The following PHTF2 variants were observed in gnomAD, a reference collection of about 807,000 sequenced individuals.
PHTF2 encodes the protein putative homeodomain transcription factor 2, also known as protein PHTF2.
A neutral mutation model predicts 101.2 loss-of-function variants in PHTF2; 60 were observed. The ratio of observed to expected loss-of-function variants is 0.59; its 90% CI spans 0.48 to 0.73. The LOEUF (loss-of-function observed/expected upper bound fraction) is 0.73. Among genes scored for constraint, PHTF2 ranks in the 30% least tolerant of loss-of-function variants. The pLI is 0.00. For missense variants in PHTF2, 747 were observed against 908.7 expected (o/e 0.82, Z 2.29); for synonymous variants, 311 against 307.3 (o/e 1.01, Z -0.13).
intron 1 of PHTF2, among the ~76,000 whole-genome samples, chr7:77,811,479 G>T (rs1004982449): frequency 6.6e-6 from 1 of 152,122 alleles, no homozygotes; most frequent in Admixed American, 6.5e-5. Flanking sequence ...TGATTCTTGT[G>T]TGAATCCATT....
intron 7 of PHTF2, among the ~76,000 whole-genome samples, chr7:77,905,248 T>C (rs1801746157): frequency 6.6e-6 from 1 of 152,142 alleles, no homozygotes; most frequent in South Asian, 2.1e-4. Context: ...TTTTTAGACA[T>C]AGGGTTTTGC....
intron 5 of PHTF2, among the ~76,000 whole-genome samples, chr7:77,894,610 G>A (rs1800728350): frequency 6.6e-6 from 1 of 152,164 alleles, no homozygotes; most frequent in South Asian, 2.1e-4. Flanking sequence ...TTAAATATAG[G>A]ATTAAGTCCT....
Position 77,840,210 on chromosome 7 carries a change from C to T in PHTF2, c.-35-11C>T, listed in dbSNP as rs1562862287. The T allele has an allele frequency of 5.6e-6, 8 of 1,429,112 alleles. No individual in the cohort carries two copies. Among genetic ancestry groups the T allele is most frequent in the Non-Finnish European group, 7.9e-6 (8 of 1,012,804 alleles). 88.5% of individuals were successfully genotyped at this position (1,429,112 alleles called of 1,614,324 possible). The stretch of plus-strand genomic sequence containing the variant: ...AATAAAGTCATTTGTATGTTTTTCT[C>T]TCTTGCACAGCCTAAAATGACCAAT... On this transcript the variant is annotated splice_polypyrimidine_tract_variant and intron_variant, in intron 1 of 19. Transcript: ENST00000416283.
intron 6 of PHTF2, 34 bp from the exon 6 acceptor site, chr7:77,901,728 A>G: frequency 7.9e-7 from 1 of 1,272,920 alleles, no homozygotes; most frequent in Non-Finnish European, 1.0e-6. Flanking sequence ...ATAATATATA[A>G]ATATACTCTG....
chr7:77,954,612 GTATATATATATATATATATA>G (rs66540211), intron 19 of PHTF2, among the ~76,000 whole-genome samples: 5 of 90,194 alleles, frequency 5.5e-5, no homozygotes, highest in South Asian at 4.3e-4. Context: ...CAAGTACTGT[GTATATATATATATATATATA>G]TATATATATA....
intron 1 of PHTF2, among the ~76,000 whole-genome samples, chr7:77,804,815 A>G (rs1292445543): frequency 6.6e-6 from 1 of 152,234 alleles, no homozygotes; most frequent in African/African-American, 2.4e-5. Flanking sequence ...ACTTAGTTCA[A>G]ACCCTCATTA....
At chr7:77,807,025 TAC>T (rs1192925078) in intron 1 of PHTF2, among the ~76,000 whole-genome samples, 4 of 152,172 alleles carry the variant, frequency 2.6e-5, no homozygotes, top group Non-Finnish European at 5.9e-5. Flanking sequence ...TAAACACACA[TAC>T]ACACACATAC....
chr7:77,879,172 A>C (rs565673223), intron 3 of PHTF2, among the ~76,000 whole-genome samples: 19 of 152,182 alleles, frequency 1.2e-4, no homozygotes, highest in Admixed American at 3.3e-4. Context: ...ATAGTACTTA[A>C]CTTGATTCGG....
chr7:77,880,768 A>G (rs1235493878), intron 3 of PHTF2, among the ~76,000 whole-genome samples: 3 of 152,172 alleles, frequency 2.0e-5, no homozygotes, highest in Non-Finnish European at 4.4e-5. Flanking sequence ...CAGGAGAAGC[A>G]GAGGGAAAAG....
intron 10 of PHTF2, 100 bp downstream of exon 9, chr7:77,920,565 C>A: frequency 1.3e-6 from 1 of 795,618 alleles, no homozygotes; most frequent in Non-Finnish European, 2.1e-6. Context: ...GTATTTTCTC[C>A]AGAATTAATT....
intron 9 of PHTF2, among the ~76,000 whole-genome samples, chr7:77,917,431 G>A (rs1401051501): frequency 6.6e-6 from 1 of 152,184 alleles, no homozygotes; most frequent in Non-Finnish European, 1.5e-5. Context: ...GCTAGAAAAT[G>A]TGTATTTGGT....
At chr7:77,853,824 G>A (rs1183062790) in intron 2 of PHTF2, among the ~76,000 whole-genome samples, 1 of 151,674 alleles carries the variant, frequency 6.6e-6, no homozygotes, top group African/African-American at 2.4e-5. Flanking sequence ...TTTCTAATAG[G>A]ATTCCAAATT....
exon 19 of PHTF2, chr7:77,953,810 T>C: frequency 6.2e-7 from 1 of 1,613,168 alleles, no homozygotes; most frequent in Non-Finnish European, 8.5e-7. Context: ...TTACAATGAA[T>C]CCGCTGCTTT....
chr7:77,901,805 T>C (rs375583127), exon 7 of PHTF2: 5 of 1,566,884 alleles, frequency 3.2e-6, no homozygotes, highest in African/African-American at 1.3e-5. Context: ...CTTGGACTTC[T>C]CTGACCAGAA....
At chr7:77,835,057 G>T (rs1246470628) in intron 1 of PHTF2, among the ~76,000 whole-genome samples, 1 of 152,084 alleles carries the variant, frequency 6.6e-6, no homozygotes, top group African/African-American at 2.4e-5. Context: ...CGGATCACCT[G>T]AGGTCAGGAG....
intron 3 of PHTF2, among the ~76,000 whole-genome samples, chr7:77,859,254 C>T (rs1331710282): frequency 6.6e-6 from 1 of 152,182 alleles, no homozygotes; most frequent in Non-Finnish European, 1.5e-5. Context: ...AGGAACTATT[C>T]TGAGGTTCCG....
At chr7:77,877,388 C>T (rs893217278) in intron 3 of PHTF2, among the ~76,000 whole-genome samples, 1 of 152,200 alleles carries the variant, frequency 6.6e-6, no homozygotes, top group African/African-American at 2.4e-5. Flanking sequence ...CAGGCGTGAG[C>T]CACCACGCCT....
intron 9 of PHTF2, among the ~76,000 whole-genome samples, chr7:77,913,499 A>G (rs1470577904): frequency 6.6e-6 from 1 of 152,158 alleles, no homozygotes; most frequent in East Asian, 1.9e-4. Flanking sequence ...GAGATTGAAT[A>G]GGATGAATTA....
chr7:77,900,011 T>C (rs565163097), intron 5 of PHTF2, among the ~76,000 whole-genome samples: 2 of 152,234 alleles, frequency 1.3e-5, no homozygotes, highest in Admixed American at 6.5e-5. Context: ...CACCCCCCAC[T>C]CCACTCTGTA....
Sources: allele counts gnomAD v4.1 joint callset (sites outside exome capture counted in the v4.1 genomes callset), GRCh38; gene constraint gnomAD v4.1.1; transcripts MANE v1.5; gene names NCBI Gene and HGNC (gene_info 2026-07-23, HGNC 2026-07-21).